The following PDE1C variants were observed in gnomAD, a reference collection of about 807,000 sequenced individuals.
The protein encoded by PDE1C is phosphodiesterase 1C, also known as dual specificity calcium/calmodulin-dependent 3',5'-cyclic nucleotide phosphodiesterase 1C.
PDE1C carries 62 observed loss-of-function variants against 93.1 expected under a neutral mutation model. The ratio of observed to expected loss-of-function variants is 0.67; its 90% CI spans 0.54 to 0.82. PDE1C has a LOEUF of 0.82. PDE1C is among the 40% of genes least tolerant of loss of function. The pLI, the probability that PDE1C is intolerant of heterozygous loss-of-function variation, is 0.00. For missense variants in PDE1C, 742 were observed against 884.6 expected (o/e 0.84, Z 2.04); for synonymous variants, 325 against 310.1 (o/e 1.05, Z -0.50).
At chr7:31,774,524 T>C (rs10270275) in intron 17 of PDE1C, among the ~76,000 whole-genome samples, 71,302 of 152,016 alleles carry the variant, frequency 0.47, 17,112 homozygotes, top group African/African-American at 0.5. Context: ...GCAATCTTAC[T>C]TAGTGGAATC....
chr7:32,210,748 AAATT>A (rs1805963441), intron 1 of PDE1C, among the ~76,000 whole-genome samples: 1 of 152,218 alleles, frequency 6.6e-6, no homozygotes, highest in African/African-American at 2.4e-5. Flanking sequence ...CAATTTTTAA[AAATT>A]AATAAATTAC....
At chr7:32,172,059 CATAA>C (rs1802688816) in intron 2 of PDE1C, among the ~76,000 whole-genome samples, 1 of 151,306 alleles carries the variant, frequency 6.6e-6, no homozygotes, top group Admixed American at 6.6e-5. Flanking sequence ...AAATAAAAAT[CATAA>C]ATAAATCATA....
chr7:31,869,121 A>T (rs1795634202), intron 6 of PDE1C, among the ~76,000 whole-genome samples: 1 of 152,138 alleles, frequency 6.6e-6, no homozygotes, highest in South Asian at 2.1e-4. Flanking sequence ...TGGTAAAGCA[A>T]ATACACAAAT....
intron 14 of PDE1C, among the ~76,000 whole-genome samples, chr7:31,821,511 G>A (rs551566057): frequency 3.2e-4 from 49 of 152,200 alleles, no homozygotes; most frequent in African/African-American, 9.6e-4. Context: ...GTGTTTCTTT[G>A]CAGATGATGC....
At chr7:31,692,151 G>C in the PDE1C span, among the ~76,000 whole-genome samples, 3 of 152,246 alleles carry the variant, frequency 2.0e-5, no homozygotes, top group South Asian at 6.2e-4. Flanking sequence ...CTCTGAGAGA[G>C]GGCAAATATT....
At chr7:32,048,194 T>C (rs1792858563) in intron 2 of PDE1C, among the ~76,000 whole-genome samples, 2 of 152,160 alleles carry the variant, frequency 1.3e-5, no homozygotes, top group Admixed American at 1.3e-4. Context: ...AGGCTGAAGG[T>C]TTGCTCTATA....
At chr7:31,617,656 A>G in the PDE1C span, among the ~76,000 whole-genome samples, 3 of 152,136 alleles carry the variant, frequency 2.0e-5, no homozygotes, top group Non-Finnish European at 2.9e-5. Flanking sequence ...TTTAAAGGAA[A>G]AAAAAACCCA....
intron 16 of PDE1C, chr7:31,789,879 TA>T (rs1167300983): frequency 9.5e-7 from 1 of 1,050,554 alleles, no homozygotes; most frequent in African/African-American, 1.7e-5. Flanking sequence ...TCTCCCAGCA[TA>T]TCCAGGATGT....
At chr7:31,867,340 T>G (rs190471541) in intron 6 of PDE1C, among the ~76,000 whole-genome samples, 1 of 151,910 alleles carries the variant, frequency 6.6e-6, no homozygotes, top group South Asian at 2.1e-4. Context: ...AACAATACCC[T>G]CCACAGTAGC....
chr7:31,683,279 T>C, the PDE1C span, among the ~76,000 whole-genome samples: 1 of 152,188 alleles, frequency 6.6e-6, no homozygotes, highest in African/African-American at 2.4e-5. Flanking sequence ...TATTATTTCT[T>C]ACAACTACAT....
At chr7:31,754,608 T>C (rs1161209809) in intron 17 of PDE1C, among the ~76,000 whole-genome samples, 1 of 152,194 alleles carries the variant, frequency 6.6e-6, no homozygotes, top group African/African-American at 2.4e-5. Flanking sequence ...GAATCTTAAA[T>C]ACATATTGCT....
chr7:32,411,629 G>A (rs1425782143), intron 1 of PDE1C, among the ~76,000 whole-genome samples: 2 of 152,178 alleles, frequency 1.3e-5, no homozygotes, highest in Non-Finnish European at 2.9e-5. Flanking sequence ...GGACATTACT[G>A]TATACTACTG....
intron 2 of PDE1C, among the ~76,000 whole-genome samples, chr7:32,002,509 C>T (rs190737338): frequency 1.1e-3 from 173 of 152,236 alleles, no homozygotes; most frequent in African/African-American, 3.9e-3. Context: ...CCACAGAGTC[C>T]ACTTCGGGGA....
At position 32,362,890 on chromosome 7, in the gene PDE1C, G is replaced by T. The variant is rs182569376; in HGVS notation, c.310+64932C>A. Among the ~76,000 whole-genome samples, 390 of 152,352 alleles carry T rather than the reference G, an allele frequency of 2.6e-3. 5 individuals carry two copies. The Middle Eastern group carries it at 0.031, about 12-fold the overall frequency. On this transcript the variant is annotated intron_variant, in intron 1 of 1. Transcript: ENST00000672256. Reference sequence around the variant, plus strand: ...GTGGCTGGGTGGCACCTGGCAGTCAGGGGAAGACCCAAGTACACATGACCT... The same window carrying T: ...GTGGCTGGGTGGCACCTGGCAGTCATGGGAAGACCCAAGTACACATGACCT...
chr7:31,880,701 A>G (rs1797131671), intron 3 of PDE1C, 46 bp downstream of exon 3: 1 of 1,162,336 alleles, frequency 8.6e-7, no homozygotes, highest in South Asian at 1.3e-5. Flanking sequence ...ATTTAAGAGA[A>G]AATTTACTAT....
chr7:32,350,404 C>T (rs1040477276), intron 1 of PDE1C, among the ~76,000 whole-genome samples: 1 of 144,112 alleles, frequency 6.9e-6, no homozygotes, highest in South Asian at 2.6e-4. Context: ...TATAACTAAG[C>T]CAAACAAAGA....
At chr7:31,911,314 T>G (rs2128938379) in intron 2 of PDE1C, among the ~76,000 whole-genome samples, 1 of 152,308 alleles carries the variant, frequency 6.6e-6, no homozygotes. Flanking sequence ...TTTAATCCTT[T>G]GAAAATTGAG....
chr7:32,035,903 A>G (rs898252170), intron 2 of PDE1C, among the ~76,000 whole-genome samples: 3 of 152,210 alleles, frequency 2.0e-5, no homozygotes, highest in African/African-American at 7.2e-5. Flanking sequence ...TGCCTGGTCA[A>G]TTGTGAAAAC....
chr7:31,933,353 A>C (rs1804593378), intron 2 of PDE1C, among the ~76,000 whole-genome samples: 1 of 152,204 alleles, frequency 6.6e-6, no homozygotes, highest in East Asian at 1.9e-4. Flanking sequence ...ACACCTAAGT[A>C]TTTATTTCTG....
Sources: gnomAD v4.1 joint callset for allele counts (sites outside exome capture counted in the v4.1 genomes callset) on GRCh38, gnomAD v4.1.1 for gene constraint, MANE v1.5 for transcripts, NCBI Gene and HGNC (gene_info 2026-07-23, HGNC 2026-07-21) for gene names.